Variants in RNASE10 observed in about 807,000 individuals in gnomAD.
The protein encoded by RNASE10 is ribonuclease A family member 10 (inactive), also known as inactive ribonuclease-like protein 10.
In RNASE10, 2 loss-of-function variants were observed where a neutral mutation model predicts 1.1. The observed-to-expected ratio is 1.82, with a 90% CI of 0.74 to 5.73. The LOEUF is 5.73. RNASE10 is among the 30% of genes most tolerant of loss of function. The probability of loss-of-function intolerance (pLI) is 0.05; values close to 1 mark genes in which losing one functional copy is unlikely to be tolerated. For synonymous variants in RNASE10, 97 were observed against 96.2 expected, an observed-to-expected ratio of 1.01 and a Z score of -0.05; for missense variants, 276 against 263.4, an observed-to-expected ratio of 1.05 and a Z score of -0.33.
At chr14:20,513,542 T>G (rs1381240711), downstream of RNASE10, among the ~76,000 whole-genome samples, 1 of 152,214 alleles carries the variant, frequency 6.6e-6, no homozygotes, top group East Asian at 1.9e-4. Context: ...TCTGAAGCTC[T>G]GAAAATGGAA....
intron 1 of RNASE10, 124 bp from the exon 2 acceptor site, chr14:20,510,343 G>T: frequency 7.1e-7 from 1 of 1,406,746 alleles, no homozygotes; most frequent in Non-Finnish European, 9.5e-7. Flanking sequence ...AGAGGGTAGA[G>T]TAATGTGCAG....
downstream of RNASE10, among the ~76,000 whole-genome samples, chr14:20,512,879 T>C (rs77862219): frequency 3.3e-3 from 506 of 151,738 alleles, 4 homozygotes; most frequent in African/African-American, 0.012. Context: ...TTATCTAAGG[T>C]AAGGGGGAAA....
chr14:20,510,981 C>T, exon 2 of RNASE10: 1 of 1,602,314 alleles, frequency 6.2e-7, no homozygotes, highest in Non-Finnish European at 8.5e-7. Flanking sequence ...ACAAAAGCTC[C>T]CGACCTTTTG....
At chr14:20,509,329 G>C (rs1220090371) in intron 1 of RNASE10, among the ~76,000 whole-genome samples, 1 of 152,220 alleles carries the variant, frequency 6.6e-6, no homozygotes, top group African/African-American at 2.4e-5. Context: ...ATTATAGGCA[G>C]AAGCCACCAA....
At chr14:20,504,324 A>G (rs1882633427), upstream of RNASE10, among the ~76,000 whole-genome samples, 1 of 152,232 alleles carries the variant, frequency 6.6e-6, no homozygotes, top group Non-Finnish European at 1.5e-5. Context: ...GGACACAAGA[A>G]TCTCTGCAGC....
downstream of RNASE10, among the ~76,000 whole-genome samples, chr14:20,513,203 C>G (rs74451484): frequency 3.2e-3 from 491 of 152,018 alleles, 2 homozygotes; most frequent in Non-Finnish European, 4.2e-3. Flanking sequence ...TCATGTTTTT[C>G]TTTTGTTTTG....
chr14:20,513,469 C>T (rs930672770), downstream of RNASE10, among the ~76,000 whole-genome samples: 1 of 152,206 alleles, frequency 6.6e-6, no homozygotes, highest in East Asian at 1.9e-4. Context: ...CCTCTCTACA[C>T]TTCCAGGATC....
intron 1 of RNASE10, 29 bp from the exon 2 acceptor site, chr14:20,510,438 C>T (rs751439334): frequency 1.3e-5 from 21 of 1,583,056 alleles, no homozygotes; most frequent in East Asian, 6.7e-5. Flanking sequence ...CTCAAAGTCA[C>T]GTTCTTCCAT....
At chr14:20,505,544 A>G (rs77424338) in exon 1 of RNASE10, 3 of 83,600 alleles carry the variant, frequency 3.6e-5, no homozygotes, top group East Asian at 2.5e-4. Context: ...TCCAGCTCCT[A>G]ACCGCGAGTG....
downstream of RNASE10, among the ~76,000 whole-genome samples, chr14:20,511,552 G>A (rs1012528162): frequency 6.6e-5 from 10 of 152,188 alleles, no homozygotes; most frequent in East Asian, 9.7e-4. Context: ...TCTCTATTGC[G>A]GATGAAGTTA....
At chr14:20,506,874 C>G (rs1255110878) in intron 1 of RNASE10, among the ~76,000 whole-genome samples, 13 of 130,840 alleles carry the variant, frequency 9.9e-5, no homozygotes, top group Non-Finnish European at 1.8e-4. Context: ...CGCCTCTGCC[C>G]GGCCGCCCCT....
At chr14:20,508,309 G>A (rs555654121) in intron 1 of RNASE10, among the ~76,000 whole-genome samples, 2 of 152,208 alleles carry the variant, frequency 1.3e-5, no homozygotes, top group African/African-American at 2.4e-5. Context: ...GGTCAACGAC[G>A]GTCTGAAACT....
chr14:20,506,320 T>C, intron 1 of RNASE10, among the ~76,000 whole-genome samples: 2 of 61,774 alleles, frequency 3.2e-5, no homozygotes, highest in African/African-American at 6.9e-5. Flanking sequence ...GTGGGGGGGG[T>C]CAGCCCCCCG....
At chr14:20,509,197 G>A (rs1023431161) in intron 1 of RNASE10, among the ~76,000 whole-genome samples, 5 of 152,224 alleles carry the variant, frequency 3.3e-5, no homozygotes, top group Admixed American at 2.0e-4. Context: ...CTACTGGTGC[G>A]TGGCACCATG....
Position 20,509,594 on chromosome 14 carries a change from C to T in RNASE10, c.80-873C>T, listed in dbSNP as rs530939970. 2.5e-3 allele frequency among the ~76,000 whole-genome samples: 379 copies of T among 152,288 alleles called. 1 individual carries two copies. The highest frequency in any genetic ancestry group is 6.8e-3 in the Middle Eastern group (2 of 294). ...TTAGGAGTAAGAATGGACTGTGGTA[C>T]TTTTTCTATTCCTTTTTATCTTTTG... On this transcript the variant is annotated intron_variant, in intron 1 of 1. Coordinates refer to ENST00000430083, the Ensembl canonical transcript of RNASE10.
chr14:20,510,587 A>G, exon 2 of RNASE10: 1 of 1,614,164 alleles, frequency 6.2e-7, no homozygotes, highest in African/African-American at 1.3e-5. Flanking sequence ...GAGAGTGATC[A>G]ACCGCTCAAT....
upstream of RNASE10, among the ~76,000 whole-genome samples, chr14:20,504,687 C>CAAAAAAAAAAAAAAAAAAAA (rs71112507): frequency 4.5e-5 from 2 of 44,552 alleles, no homozygotes; most frequent in Non-Finnish European, 4.1e-5. Flanking sequence ...GACTCCGTCT[C>CAAAAAAAAAAAAAAAAAAAA]AAAAAAAAAA....
exon 2 of RNASE10, chr14:20,510,959 G>T: frequency 6.2e-7 from 1 of 1,606,380 alleles, no homozygotes; most frequent in Non-Finnish European, 8.5e-7. Context: ...GAGCTCAAGG[G>T]GGGAAAATGT....
Position 20,510,747 on chromosome 14 carries a change from G to A in RNASE10, c.360G>A (p.Gly120=), listed in dbSNP as rs770201639. 3.1e-6 allele frequency: 5 copies of A among 1,614,058 alleles called. No individual in the cohort carries two copies. The East Asian group carries it at 6.7e-5, about 22-fold the overall frequency. The stretch of plus-strand genomic sequence containing the variant: ...CCATCCTCGGTGAAGATGAGGTTGG[G>A]GGTAACAAGATGCTCAGAGCCTCAG... The change falls in exon 2 of 2, where the codon GGG becomes GGA. Residue 120 remains glycine, a synonymous_variant. Coordinates refer to ENST00000430083, the Ensembl canonical transcript of RNASE10.
Sources: allele counts gnomAD v4.1 joint callset (sites outside exome capture counted in the v4.1 genomes callset), GRCh38; gene constraint gnomAD v4.1.1; transcripts MANE v1.5; gene names NCBI Gene and HGNC (gene_info 2026-07-23, HGNC 2026-07-21).